TOX2: variants seen among roughly 807,000 people sequenced by gnomAD.
TOX2 encodes granulosa cell HMG box 1.
Under a neutral mutation model 47.4 loss-of-function variants are expected in TOX2, and 15 were observed. That is an observed-to-expected ratio of 0.32 (90% CI 0.21 to 0.49). TOX2 has a LOEUF of 0.49. TOX2 is among the 20% of genes least tolerant of loss of function. The probability of loss-of-function intolerance (pLI) is 0.99; values close to 1 mark genes in which losing one functional copy is unlikely to be tolerated. For missense variants in TOX2, 622 were observed against 673.1 expected, an observed-to-expected ratio of 0.92 and a Z score of 0.84; for synonymous variants, 290 against 296.6, an observed-to-expected ratio of 0.98 and a Z score of 0.23.
intron 1 of TOX2, among the ~76,000 whole-genome samples, chr20:43,936,290 A>G (rs1011610814): frequency 2.6e-5 from 4 of 152,232 alleles, no homozygotes; most frequent in African/African-American, 9.6e-5. Context: ...TTTCAACTTG[A>G]TGTTGAGTAG....
chr20:44,053,417 C>T (rs1312200996), intron 4 of TOX2, among the ~76,000 whole-genome samples: 3 of 150,166 alleles, frequency 2.0e-5, no homozygotes, highest in Non-Finnish European at 4.4e-5. Context: ...GGATTGTGCT[C>T]ACAAGTGGGA....
chr20:44,052,537 G>C (rs1302096808), intron 4 of TOX2, among the ~76,000 whole-genome samples: 1 of 152,180 alleles, frequency 6.6e-6, no homozygotes, highest in African/African-American at 2.4e-5. Context: ...TCTGGATCCT[G>C]GCCCAGCTTC....
At chr20:43,995,032 C>A (rs544089561) in intron 2 of TOX2, among the ~76,000 whole-genome samples, 1 of 152,132 alleles carries the variant, frequency 6.6e-6, no homozygotes, top group Non-Finnish European at 1.5e-5. Context: ...TCCCCTCCCC[C>A]ACCTCCTCCA....
intron 6 of TOX2, among the ~76,000 whole-genome samples, chr20:44,065,469 G>C (rs760084982): frequency 2.0e-5 from 3 of 152,226 alleles, no homozygotes; most frequent in Non-Finnish European, 2.9e-5. Flanking sequence ...TCACTGGCCA[G>C]GCTGAGGAGC....
intron 1 of TOX2, among the ~76,000 whole-genome samples, chr20:43,940,677 G>A (rs1201078055): frequency 2.0e-5 from 3 of 152,210 alleles, no homozygotes; most frequent in South Asian, 4.1e-4. Context: ...GACTGCAGAG[G>A]ATGAGGCAGC....
intron 3 of TOX2, among the ~76,000 whole-genome samples, chr20:44,023,702 G>A (rs146871436): frequency 6.6e-6 from 1 of 152,350 alleles, no homozygotes; most frequent in Non-Finnish European, 1.5e-5. Flanking sequence ...GAGCCGAGGA[G>A]CTGCAGCTGG....
intron 1 of TOX2, among the ~76,000 whole-genome samples, chr20:43,954,756 C>T (rs970459192): frequency 6.6e-6 from 1 of 152,216 alleles, no homozygotes; most frequent in African/African-American, 2.4e-5. Context: ...ATTAAATGCT[C>T]TGCCTGCCAT....
intron 1 of TOX2, among the ~76,000 whole-genome samples, chr20:43,965,623 G>A (rs2069837709): frequency 6.6e-6 from 1 of 152,162 alleles, no homozygotes; most frequent in South Asian, 2.1e-4. Flanking sequence ...AAATTCACTT[G>A]TAGATTCCCC....
intron 3 of TOX2, among the ~76,000 whole-genome samples, chr20:44,014,568 A>AC (rs1271053151): frequency 2.0e-5 from 3 of 151,748 alleles, no homozygotes; most frequent in Non-Finnish European, 4.4e-5. Flanking sequence ...CCTCCTTGTT[A>AC]CCCCCAACCC....
chr20:43,921,647 G>GTTC (rs1275809551), intron 1 of TOX2, among the ~76,000 whole-genome samples: 1 of 151,900 alleles, frequency 6.6e-6, no homozygotes, highest in East Asian at 1.9e-4. Context: ...GCCCCGCCAT[G>GTTC]TTCTTCTTCT....
At chr20:43,958,837 C>A (rs2069710985) in intron 1 of TOX2, among the ~76,000 whole-genome samples, 1 of 152,224 alleles carries the variant, frequency 6.6e-6, no homozygotes, top group South Asian at 2.1e-4. Context: ...CCTTGGTTTC[C>A]CCAGTGGGAT....
rs1381541023 is a variant in TOX2, at chr20:43,916,014, C to G, written c.99+1024C>G. ...TGGGTGCCTCTAAGCAGTCCGCGTC[C>G]CCTTCGGTCGCCGGAGAGGGAACTT... On this transcript the variant is annotated intron_variant, in intron 1 of 8. Coordinates refer to ENST00000341197, the MANE Select transcript of TOX2 (RefSeq NM_001098797.2). The surrounding 1 kb of genome is among the most constrained non-coding windows in gnomAD (Gnocchi z 5.0). 1.5e-6 allele frequency: 1 copy of G among 667,220 alleles called. No homozygotes were observed. The highest frequency in any genetic ancestry group is 2.0e-5 in the African/African-American group (1 of 51,082). The allele number at this position is 667,220 out of a possible 1,614,324, so 41.3% of individuals were successfully genotyped here.
intron 5 of TOX2, among the ~76,000 whole-genome samples, chr20:44,059,823 C>T (rs1050259766): frequency 6.6e-5 from 10 of 152,114 alleles, no homozygotes; most frequent in Non-Finnish European, 1.3e-4. Flanking sequence ...TCTCACAGGA[C>T]CTCTAAAATA....
At chr20:43,929,233 T>C (rs2069221047) in intron 1 of TOX2, among the ~76,000 whole-genome samples, 1 of 152,192 alleles carries the variant, frequency 6.6e-6, no homozygotes, top group Non-Finnish European at 1.5e-5. Context: ...CTTTCTGTTG[T>C]AGCTTGATGA....
intron 1 of TOX2, among the ~76,000 whole-genome samples, chr20:43,949,985 A>C (rs556091133): frequency 6.6e-6 from 1 of 151,998 alleles, no homozygotes; most frequent in South Asian, 2.1e-4. Context: ...TAGGATCCTC[A>C]AACTGGTTTG....
chr20:43,965,745 A>G (rs965816277), intron 1 of TOX2, among the ~76,000 whole-genome samples: 1 of 152,216 alleles, frequency 6.6e-6, no homozygotes, highest in South Asian at 2.1e-4. Context: ...TCTTAGACCC[A>G]GGACCAAGAG....
chr20:43,991,028 G>T (rs2070358914), intron 2 of TOX2, among the ~76,000 whole-genome samples: 1 of 152,166 alleles, frequency 6.6e-6, no homozygotes, highest in African/African-American at 2.4e-5. Flanking sequence ...GTGTGCCTGG[G>T]TACCTGCATA....
At chr20:44,012,847 T>C (rs555000061) in intron 3 of TOX2, among the ~76,000 whole-genome samples, 3 of 152,372 alleles carry the variant, frequency 2.0e-5, no homozygotes, top group Admixed American at 6.5e-5. Flanking sequence ...TACTTAGTGC[T>C]GCGTTTCAGA....
chr20:44,029,142 C>T (rs1193053831), intron 3 of TOX2, among the ~76,000 whole-genome samples: 2 of 152,260 alleles, frequency 1.3e-5, no homozygotes, highest in Non-Finnish European at 2.9e-5. Flanking sequence ...TGCTGAACAG[C>T]AAGCCTCGCC....
Sources: allele counts gnomAD v4.1 joint callset (sites outside exome capture counted in the v4.1 genomes callset), GRCh38; gene constraint gnomAD v4.1.1; non-coding constraint Gnocchi (gnomAD v3.1); transcripts MANE v1.5; gene names NCBI Gene and HGNC (gene_info 2026-07-23, HGNC 2026-07-21).